Variants in AGBL1 observed in about 807,000 individuals in gnomAD.
AGBL1 encodes AGBL carboxypeptidase 1.
In AGBL1, 130 loss-of-function variants were observed where a neutral mutation model predicts 118.9. That is an observed-to-expected ratio of 1.09 (90% confidence interval 0.95 to 1.26). The LOEUF (loss-of-function observed/expected upper bound fraction) is 1.26, where lower values mean the gene tolerates loss of function less well. Ranked by LOEUF, AGBL1 falls within the 50% of genes most tolerant of loss-of-function variation. AGBL1 has a pLI of 0.00. For missense variants in AGBL1, 1,584 were observed against 1,298.1 expected, an observed-to-expected ratio of 1.22 and a Z score of -3.38; for synonymous variants, 555 against 478.9, an observed-to-expected ratio of 1.16 and a Z score of -2.08.
intron 5 of AGBL1, among the ~76,000 whole-genome samples, chr15:86,209,256 T>G (rs927403469): frequency 1.3e-5 from 2 of 152,236 alleles, no homozygotes; most frequent in Admixed American, 1.3e-4. Flanking sequence ...TATTTTAGAA[T>G]AAGTGTGATG....
intron 1 of AGBL1, among the ~76,000 whole-genome samples, chr15:86,103,131 C>T (rs572829836): frequency 7.9e-5 from 12 of 151,850 alleles, no homozygotes; most frequent in African/African-American, 2.9e-4. Context: ...TATTCATTTC[C>T]AGGATTTCTG....
intron 21 of AGBL1, among the ~76,000 whole-genome samples, chr15:86,571,870 C>G (rs1335809941): frequency 1.3e-5 from 2 of 152,174 alleles, no homozygotes; most frequent in Non-Finnish European, 2.9e-5. Context: ...TAGGGACCTG[C>G]CTCCTTCGCC....
chr15:86,459,631 C>T (rs1471611385), intron 18 of AGBL1, among the ~76,000 whole-genome samples: 1 of 152,054 alleles, frequency 6.6e-6, no homozygotes, highest in Admixed American at 6.6e-5. Flanking sequence ...ACTCATCATG[C>T]CCCAGACACA....
intron 5 of AGBL1, among the ~76,000 whole-genome samples, chr15:86,180,689 A>G (rs2077540096): frequency 6.6e-6 from 1 of 152,124 alleles, no homozygotes; most frequent in Non-Finnish European, 1.5e-5. Context: ...ATCAATATTA[A>G]AAACTTCTGT....
chr15:86,211,224 G>T (rs773383829), intron 5 of AGBL1, among the ~76,000 whole-genome samples: 4 of 152,150 alleles, frequency 2.6e-5, no homozygotes, highest in Non-Finnish European at 5.9e-5. Context: ...TCCCATAGGG[G>T]CACCCACCTA....
intron 5 of AGBL1, among the ~76,000 whole-genome samples, chr15:86,196,879 G>GCGCGCGCGCGCACACA (rs756313941): frequency 3.2e-4 from 37 of 117,010 alleles, no homozygotes; most frequent in African/African-American, 1.3e-3. Context: ...GCGCGCGCGC[G>GCGCGCGCGCGCACACA]CACACACACA....
In AGBL1 at chr15:86,735,031, A is replaced by G. The variant is rs1050447372; in HGVS notation, c.3158+60595A>G. On this transcript the variant is annotated intron_variant, in intron 22 of 22. Transcript: ENST00000614907. The stretch of plus-strand genomic sequence containing the variant: ...ATACCTTGATATGTTCATAGGCATC[A>G]TACTCAGTGTGAAATAAAGATGTTG... Among the ~76,000 whole-genome samples the G allele has an allele frequency of 2.0e-5, 3 of 149,874 alleles. No individual in the cohort carries two copies. In the East Asian group the frequency reaches 5.8e-4, roughly 29 times the overall value.
At chr15:86,254,068 G>A (rs28597370) in intron 7 of AGBL1, among the ~76,000 whole-genome samples, 1,879 of 152,278 alleles carry the variant, frequency 0.012, 48 homozygotes, top group African/African-American at 0.044. Context: ...TTAAACCCAG[G>A]ACTTTATACT....
chr15:86,281,561 C>T (rs957820867), intron 16 of AGBL1, among the ~76,000 whole-genome samples: 3 of 152,080 alleles, frequency 2.0e-5, no homozygotes, highest in Admixed American at 6.6e-5. Flanking sequence ...TCCTGGTGGC[C>T]ATTCATATAA....
intron 18 of AGBL1, among the ~76,000 whole-genome samples, chr15:86,434,249 T>A (rs894248688): frequency 3.9e-5 from 6 of 152,228 alleles, no homozygotes; most frequent in Non-Finnish European, 7.3e-5. Flanking sequence ...TCCTTTGACC[T>A]TTATTCTCAC....
At chr15:86,979,355 C>A (rs1803957986) in intron 23 of AGBL1, among the ~76,000 whole-genome samples, 1 of 152,102 alleles carries the variant, frequency 6.6e-6, no homozygotes, top group African/African-American at 2.4e-5. Flanking sequence ...CATTTGTTTC[C>A]CCCAATGTCC....
chr15:86,247,565 C>G lies in AGBL1; in HGVS notation c.527-106C>G, dbSNP rs973442056. On this transcript the variant is annotated intron_variant, in intron 6 of 22. Coordinates refer to ENST00000614907, the MANE Select transcript of AGBL1 (RefSeq NM_001386094.1). Reference sequence around the variant, plus strand: ...GTTTTCATACTAAAATGTTATTATTCCCTTGATGATTAATAAGTATCTTGT... The same window carrying G: ...GTTTTCATACTAAAATGTTATTATTGCCTTGATGATTAATAAGTATCTTGT... 3.4e-6 allele frequency: 4 copies of G among 1,185,470 alleles called. No individual in the cohort carries two copies. The Admixed American group carries it at 5.9e-5, about 18-fold the overall frequency. 73.4% of individuals were successfully genotyped at this position (1,185,470 alleles called of 1,614,324 possible).
intron 21 of AGBL1, among the ~76,000 whole-genome samples, chr15:86,663,743 T>C (rs563041596): frequency 6.6e-6 from 1 of 152,258 alleles, no homozygotes; most frequent in South Asian, 2.1e-4. Flanking sequence ...ATCCATGAAG[T>C]ATAAAGCCTC....
chr15:86,331,168 G>A (rs531886577), intron 17 of AGBL1, among the ~76,000 whole-genome samples: 63 of 147,710 alleles, frequency 4.3e-4, no homozygotes, highest in African/African-American at 1.5e-3. Flanking sequence ...AGGTTGCACT[G>A]AGCCAAGATC....
chr15:86,695,451 G>A (rs375439332), intron 22 of AGBL1, among the ~76,000 whole-genome samples: 28 of 151,724 alleles, frequency 1.8e-4, no homozygotes, highest in African/African-American at 5.3e-4. Context: ...CTCCCATTTC[G>A]TTTCTAATTG....
At chr15:86,312,107 C>G (rs1193044637) in intron 17 of AGBL1, 3 of 152,190 alleles carry the variant, frequency 2.0e-5, no homozygotes, top group Non-Finnish European at 4.4e-5. Flanking sequence ...ACAGGGACAT[C>G]CCCTCACCCC....
At chr15:87,011,818 A>C (rs747762558) in intron 24 of AGBL1, among the ~76,000 whole-genome samples, 31 of 152,196 alleles carry the variant, frequency 2.0e-4, no homozygotes, top group Admixed American at 4.6e-4. Context: ...TAAAAGTTGC[A>C]CCCATTGGAG....
At chr15:86,578,371 A>G (rs1251149335) in intron 21 of AGBL1, among the ~76,000 whole-genome samples, 1 of 152,174 alleles carries the variant, frequency 6.6e-6, no homozygotes, top group Non-Finnish European at 1.5e-5. Flanking sequence ...TCCCCATTAT[A>G]TCTAGGAGGT....
At chr15:86,328,967 C>T (rs998968213) in intron 17 of AGBL1, among the ~76,000 whole-genome samples, 2 of 152,194 alleles carry the variant, frequency 1.3e-5, no homozygotes, top group African/African-American at 4.8e-5. Flanking sequence ...GATTAGAGCA[C>T]CTGCTCTGGA....
Sources: gnomAD v4.1 joint callset for allele counts (sites outside exome capture counted in the v4.1 genomes callset) on GRCh38, gnomAD v4.1.1 for gene constraint, MANE v1.5 for transcripts, NCBI Gene and HGNC (gene_info 2026-07-23, HGNC 2026-07-21) for gene names.